Variants in DHX15 observed in about 807,000 individuals in gnomAD.
DHX15 encodes ATP-dependent RNA helicase DHX15.
DHX15 carries 11 observed loss-of-function variants against 94.4 expected under a neutral mutation model. That is an observed-to-expected ratio of 0.12 (90% CI 0.07 to 0.19). The LOEUF (loss-of-function observed/expected upper bound fraction) is 0.19. DHX15 is among the 10% of genes least tolerant of loss of function. The probability of loss-of-function intolerance (pLI) is 1.00; values close to 1 mark genes in which losing one functional copy is unlikely to be tolerated. For missense variants in DHX15, 304 were observed against 988.5 expected, an observed-to-expected ratio of 0.31 and a Z score of 9.29; for synonymous variants, 338 against 329.9, an observed-to-expected ratio of 1.02 and a Z score of -0.27.
intron 6 of DHX15, among the ~76,000 whole-genome samples, chr4:24,543,701 T>A (rs1721365116): frequency 6.6e-6 from 1 of 152,172 alleles, no homozygotes; most frequent in Admixed American, 6.6e-5. Context: ...TTGGTATACG[T>A]GCATGTTTTA....
chr4:24,554,286 T>C (rs1196340381), intron 5 of DHX15, among the ~76,000 whole-genome samples: 2 of 152,222 alleles, frequency 1.3e-5, no homozygotes, highest in Non-Finnish European at 2.9e-5. Flanking sequence ...TAAGAACTTT[T>C]AGTAATCCTT....
At chr4:24,536,941 G>A (rs1012727619) in intron 11 of DHX15, 110 bp downstream of exon 11, 23 of 1,272,964 alleles carry the variant, frequency 1.8e-5, no homozygotes, top group Non-Finnish European at 2.3e-5. Context: ...GTACCTCTGG[G>A]TTTCTAATAT....
At chr4:24,570,308 T>C (rs7657364) in intron 3 of DHX15, among the ~76,000 whole-genome samples, 87,635 of 152,046 alleles carry the variant, frequency 0.58, 25,673 homozygotes, top group Non-Finnish European at 0.64. Flanking sequence ...TTTCTAAAAG[T>C]AGTTATCTTT....
chr4:24,540,354 A>G (rs1721284030), intron 9 of DHX15, 55 bp from the exon 10 acceptor site: 2 of 1,450,476 alleles, frequency 1.4e-6, no homozygotes, highest in South Asian at 2.7e-5. Context: ...CAAAAATGTG[A>G]CAAAGTACAA....
chr4:24,550,890 T>C (rs189905986), intron 5 of DHX15, among the ~76,000 whole-genome samples: 1 of 152,324 alleles, frequency 6.6e-6, no homozygotes, highest in East Asian at 1.9e-4. Flanking sequence ...GGCAGCAAAG[T>C]AGGTTTGTTT....
intron 5 of DHX15, among the ~76,000 whole-genome samples, chr4:24,553,636 G>A (rs1405571037): frequency 6.6e-6 from 1 of 151,638 alleles, no homozygotes; most frequent in Non-Finnish European, 1.5e-5. Flanking sequence ...AATTAGCCAG[G>A]TGTGATGGTG....
At chr4:24,582,546 G>A (rs945703509) in intron 1 of DHX15, among the ~76,000 whole-genome samples, 4 of 152,192 alleles carry the variant, frequency 2.6e-5, no homozygotes, top group Admixed American at 2.0e-4. Flanking sequence ...CCAGATGACA[G>A]CAATTTATTT....
chr4:24,547,577 T>C (rs770069611), intron 6 of DHX15, among the ~76,000 whole-genome samples: 1 of 152,118 alleles, frequency 6.6e-6, no homozygotes, highest in Non-Finnish European at 1.5e-5. Context: ...TTTCACTCAA[T>C]GGTAAACAAA....
chr4:24,565,432 C>T (rs1172756414), intron 3 of DHX15, among the ~76,000 whole-genome samples: 2 of 152,142 alleles, frequency 1.3e-5, no homozygotes, highest in African/African-American at 4.8e-5. Context: ...ATAAAATTAC[C>T]CTTACCTAAC....
intron 3 of DHX15, among the ~76,000 whole-genome samples, chr4:24,556,985 G>A (rs1393523897): frequency 6.6e-6 from 1 of 152,146 alleles, no homozygotes; most frequent in African/African-American, 2.4e-5. Context: ...AAGTGGGACT[G>A]AGGGGCAGCA....
intron 2 of DHX15, among the ~76,000 whole-genome samples, chr4:24,572,374 G>A (rs962913400): frequency 8.5e-5 from 13 of 152,134 alleles, no homozygotes; most frequent in Admixed American, 8.5e-4. Context: ...GACCTCAGGT[G>A]ATGCACCCGC....
At chr4:24,558,510 A>G (rs1436018409) in intron 3 of DHX15, among the ~76,000 whole-genome samples, 1 of 152,112 alleles carries the variant, frequency 6.6e-6, no homozygotes, top group Non-Finnish European at 1.5e-5. Context: ...GCAGACTATA[A>G]ATATTATAAA....
At chr4:24,540,376 C>T in intron 9 of DHX15, 77 bp from the exon 10 acceptor site, 3 of 1,256,082 alleles carry the variant, frequency 2.4e-6, no homozygotes, top group Non-Finnish European at 3.3e-6. Context: ...CTATTATAAG[C>T]AATCTCATTT....
At position 24,547,923 on chromosome 4, in the gene DHX15, A is replaced by ATC. The variant is rs1560765823; in HGVS notation, c.1248+931_1248+932insGA. ...TATGTGTATATATATATATATATAT[A>ATC]TATATATATATATATATATCTATAT... is the stretch of plus-strand genomic sequence containing the variant. On this transcript the variant is annotated intron_variant, in intron 6 of 13. Transcript: ENST00000336812. 6.6e-4 allele frequency among the ~76,000 whole-genome samples: 56 copies of ATC among 84,606 alleles called. 1 individual carries two copies. The highest frequency in any genetic ancestry group is 2.2e-3 in the African/African-American group (40 of 17,950). The allele number at this position is 84,606 out of a possible 152,430, so 55.5% of individuals were successfully genotyped here. A position where few individuals can be genotyped will look rare whatever the true frequency, so the allele number is the denominator to read the frequency against.
At chr4:24,584,176 TCTC>T in intron 1 of DHX15, 144 bp downstream of exon 1, 8 of 846,798 alleles carry the variant, frequency 9.4e-6, no homozygotes, top group Non-Finnish European at 1.4e-5. Flanking sequence ...GCGCCGCGCT[TCTC>T]CTACCCGCCG....
At chr4:24,578,274 T>C (rs1722319643) in intron 1 of DHX15, among the ~76,000 whole-genome samples, 1 of 152,218 alleles carries the variant, frequency 6.6e-6, no homozygotes, top group Admixed American at 6.5e-5. Context: ...TGCCATCAAC[T>C]ATCTTTGCTT....
chr4:24,555,451 C>A (rs919320507), intron 4 of DHX15, among the ~76,000 whole-genome samples: 6 of 152,032 alleles, frequency 3.9e-5, no homozygotes, highest in Admixed American at 3.9e-4. Flanking sequence ...TCACATTATT[C>A]TTTAAATATA....
intron 3 of DHX15, among the ~76,000 whole-genome samples, chr4:24,564,641 A>G (rs1416204661): frequency 6.6e-6 from 1 of 152,178 alleles, no homozygotes; most frequent in Non-Finnish European, 1.5e-5. Context: ...TGTTTCTTTT[A>G]TTGGTGAAGG....
intron 5 of DHX15, among the ~76,000 whole-genome samples, chr4:24,550,123 A>AC (rs1721560878): frequency 3.0e-5 from 4 of 131,746 alleles, no homozygotes; most frequent in African/African-American, 1.1e-4. Flanking sequence ...AAAAAAAAAA[A>AC]CGGTAAAAAT....
Sources: gnomAD v4.1 joint callset for allele counts (sites outside exome capture counted in the v4.1 genomes callset) on GRCh38, gnomAD v4.1.1 for gene constraint, MANE v1.5 for transcripts, NCBI Gene and HGNC (gene_info 2026-07-23, HGNC 2026-07-21) for gene names.